EXT1: variants seen among roughly 807,000 people sequenced by gnomAD.
EXT1 encodes the protein exostosin-1.
In EXT1, 20 loss-of-function variants were observed where a neutral mutation model predicts 82.5. The observed-to-expected ratio is 0.24, with a 90% CI of 0.17 to 0.35. EXT1 has a LOEUF of 0.35. Among genes scored for constraint, EXT1 ranks in the 10% least tolerant of loss-of-function variants. EXT1 has a pLI of 1.00. For missense variants in EXT1, 757 were observed against 936.5 expected (o/e 0.81, Z 2.50); for synonymous variants, 348 against 350.8 (o/e 0.99, Z 0.09).
chr8:117,961,582 C>G (rs958903818), intron 1 of EXT1, among the ~76,000 whole-genome samples: 1 of 152,116 alleles, frequency 6.6e-6, no homozygotes, highest in Non-Finnish European at 1.5e-5. Flanking sequence ...TTAAAATAAG[C>G]TATTCTAATT....
At chr8:118,022,585 G>A (rs1201368143) in intron 1 of EXT1, among the ~76,000 whole-genome samples, 1 of 150,718 alleles carries the variant, frequency 6.6e-6, no homozygotes, top group African/African-American at 2.4e-5. Context: ...TGATCCACCT[G>A]CCTCGGACTC....
At chr8:118,091,108 A>T (rs1468679642) in intron 1 of EXT1, among the ~76,000 whole-genome samples, 1 of 152,190 alleles carries the variant, frequency 6.6e-6, no homozygotes, top group Admixed American at 6.5e-5. Context: ...TGAGTTCACT[A>T]TCTCTCAGCC....
At chr8:117,911,608 A>C (rs1813649556) in intron 1 of EXT1, among the ~76,000 whole-genome samples, 1 of 152,240 alleles carries the variant, frequency 6.6e-6, no homozygotes, top group Non-Finnish European at 1.5e-5. Context: ...CTCAGAAAGA[A>C]GGCCAACGGT....
intron 1 of EXT1, among the ~76,000 whole-genome samples, chr8:117,945,368 C>A (rs964534541): frequency 1.3e-5 from 2 of 152,090 alleles, no homozygotes; most frequent in Non-Finnish European, 2.9e-5. Flanking sequence ...CACTTAGAGA[C>A]CCTGGTGATT....
chr8:117,869,015 C>CA (rs2129885675), intron 1 of EXT1, among the ~76,000 whole-genome samples: 1 of 152,216 alleles, frequency 6.6e-6, no homozygotes, highest in South Asian at 2.1e-4. Context: ...AAGTGCCTGC[C>CA]AAAAATCTCA....
At chr8:117,884,688 C>G (rs534378776) in intron 1 of EXT1, among the ~76,000 whole-genome samples, 1 of 152,194 alleles carries the variant, frequency 6.6e-6, no homozygotes, top group African/African-American at 2.4e-5. Flanking sequence ...TGAAATGAAA[C>G]TGTGTGAATC....
chr8:117,814,990 T>C (rs1369980644), intron 7 of EXT1, among the ~76,000 whole-genome samples: 1 of 152,230 alleles, frequency 6.6e-6, no homozygotes, highest in Non-Finnish European at 1.5e-5. Context: ...ACACATGGCT[T>C]CAGGGGTTGC....
At chr8:117,983,941 T>C (rs1387895411) in intron 1 of EXT1, among the ~76,000 whole-genome samples, 1 of 152,174 alleles carries the variant, frequency 6.6e-6, no homozygotes, top group South Asian at 2.1e-4. Context: ...AGTTGAGAAA[T>C]GGAAAACTCA....
At chr8:118,096,373 A>G (rs1214529187) in intron 1 of EXT1, among the ~76,000 whole-genome samples, 1 of 152,166 alleles carries the variant, frequency 6.6e-6, no homozygotes, top group African/African-American at 2.4e-5. Context: ...CTGTAATCCC[A>G]GCACTTTGGG....
chr8:118,088,274 A>C (rs1817459181), intron 1 of EXT1, among the ~76,000 whole-genome samples: 1 of 152,194 alleles, frequency 6.6e-6, no homozygotes, highest in Non-Finnish European at 1.5e-5. Context: ...TTTTAAGGGC[A>C]CCTGTATTAA....
intron 1 of EXT1, among the ~76,000 whole-genome samples, chr8:118,104,671 A>G (rs1214083768): frequency 1.3e-5 from 2 of 152,220 alleles, no homozygotes; most frequent in Non-Finnish European, 2.9e-5. Flanking sequence ...AGATTTTGAG[A>G]TATCTGCATT....
At chr8:118,030,972 C>G (rs938467761) in intron 1 of EXT1, among the ~76,000 whole-genome samples, 1 of 152,156 alleles carries the variant, frequency 6.6e-6, no homozygotes, top group Non-Finnish European at 1.5e-5. Flanking sequence ...TTCCCTTCCC[C>G]CTTCTGAAAC....
chr8:117,923,690 C>T (rs1417633808), intron 1 of EXT1, among the ~76,000 whole-genome samples: 1 of 151,218 alleles, frequency 6.6e-6, no homozygotes, highest in African/African-American at 2.4e-5. Context: ...CGTGCCACTG[C>T]ACTCCAGCTG....
chr8:118,016,365 C>T (rs566785660), intron 1 of EXT1, among the ~76,000 whole-genome samples: 52 of 152,306 alleles, frequency 3.4e-4, no homozygotes, highest in Middle Eastern at 3.4e-3. Flanking sequence ...CGTACTCCAG[C>T]CTGGGTGACT....
chr8:117,937,633 A>G (rs1327120417), intron 1 of EXT1, among the ~76,000 whole-genome samples: 1 of 152,260 alleles, frequency 6.6e-6, no homozygotes, highest in Non-Finnish European at 1.5e-5. Context: ...AGCTGTTCAC[A>G]TACAATAAAG....
At chr8:118,026,170 A>G (rs1816197744) in intron 1 of EXT1, among the ~76,000 whole-genome samples, 1 of 152,188 alleles carries the variant, frequency 6.6e-6, no homozygotes, top group Admixed American at 6.5e-5. Context: ...CAATCTTCTT[A>G]GGAACCACAC....
chr8:117,970,764 G>A (rs556549458), intron 1 of EXT1, among the ~76,000 whole-genome samples: 1 of 152,144 alleles, frequency 6.6e-6, no homozygotes, highest in Non-Finnish European at 1.5e-5. Flanking sequence ...TCCAAAATCT[G>A]ACTTAAATGA....
chr8:117,837,976 T>C (rs914459638), intron 1 of EXT1, among the ~76,000 whole-genome samples: 4 of 152,180 alleles, frequency 2.6e-5, no homozygotes, highest in African/African-American at 9.6e-5. Flanking sequence ...CGAAAAAACA[T>C]ACAAAATATG....
chr8:117,913,395 G>C (rs1052918276), intron 1 of EXT1, among the ~76,000 whole-genome samples: 2 of 152,060 alleles, frequency 1.3e-5, no homozygotes, highest in Non-Finnish European at 2.9e-5. Context: ...GGCAGTTCAG[G>C]GTATCTCCTT....
Sources: gnomAD v4.1 joint callset for allele counts (sites outside exome capture counted in the v4.1 genomes callset) on GRCh38, gnomAD v4.1.1 for gene constraint, MANE v1.5 for transcripts, NCBI Gene and HGNC (gene_info 2026-07-23, HGNC 2026-07-21) for gene names.